PIGN: variants seen among roughly 807,000 people sequenced by gnomAD.
PIGN encodes phosphatidylinositol glycan anchor biosynthesis class N.
PIGN carries 117 observed loss-of-function variants against 125.4 expected under a neutral mutation model. The observed-to-expected ratio is 0.93, with a 90% CI of 0.80 to 1.09. PIGN has a LOEUF of 1.09. Among genes scored for constraint, PIGN ranks in the 50% least tolerant of loss-of-function variants. The probability of loss-of-function intolerance (pLI) is 0.00; values close to 1 mark genes in which losing one functional copy is unlikely to be tolerated. For missense variants in PIGN, 1,075 were observed against 1,094.9 expected (o/e 0.98, Z 0.26); for synonymous variants, 392 against 377.8 (o/e 1.04, Z -0.44).
intron 30 of PIGN, among the ~76,000 whole-genome samples, chr18:62,059,915 G>T (rs1192391469): frequency 6.6e-6 from 1 of 152,126 alleles, no homozygotes; most frequent in Non-Finnish European, 1.5e-5. Flanking sequence ...TCACTTACAG[G>T]TTAAAATATT....
At chr18:62,047,465 C>T (rs529124743) in intron 30 of PIGN, among the ~76,000 whole-genome samples, 1 of 152,194 alleles carries the variant, frequency 6.6e-6, no homozygotes, top group African/African-American at 2.4e-5. Flanking sequence ...GTAGAAAGGC[C>T]ATTCCTTTCC....
intron 23 of PIGN, among the ~76,000 whole-genome samples, chr18:62,023,988 C>T (rs957880908): frequency 3.9e-5 from 6 of 152,134 alleles, no homozygotes; most frequent in Non-Finnish European, 7.3e-5. Flanking sequence ...TAAAGCATAG[C>T]GGCTGAAATT....
chr18:62,101,275 T>A, intron 21 of PIGN, 92 bp from the exon 22 acceptor site: 2 of 728,622 alleles, frequency 2.7e-6, no homozygotes, highest in Admixed American at 2.4e-5. Context: ...TCTGAGACAT[T>A]AAAATGTGGA....
At chr18:62,169,871 C>T (rs1057043094) in intron 1 of PIGN, among the ~76,000 whole-genome samples, 31 of 152,288 alleles carry the variant, frequency 2.0e-4, no homozygotes, top group African/African-American at 7.5e-4. Flanking sequence ...GATTCTCCTG[C>T]CTTGGCCTCC....
chr18:62,169,809 G>A (rs914380842), intron 1 of PIGN, among the ~76,000 whole-genome samples: 2 of 151,914 alleles, frequency 1.3e-5, no homozygotes, highest in African/African-American at 4.8e-5. Flanking sequence ...TCGTAGAGAT[G>A]GGGGGATCTC....
At chr18:62,152,862 ATATATATTTTTTTTTT>A (rs763552308) in intron 7 of PIGN, among the ~76,000 whole-genome samples, 8,248 of 71,350 alleles carry the variant, frequency 0.12, 322 homozygotes, top group Non-Finnish European at 0.16. Context: ...ATATATATAT[ATATATATTTTTTTTTT>A]TAACCACAGT....
Position 62,157,806 on chromosome 18 carries a change from T to C in PIGN, c.224A>G (p.Asn75Ser). 1 of 1,609,372 alleles carries C rather than the reference T, an allele frequency of 6.2e-7. No homozygotes were observed. The highest frequency in any genetic ancestry group is 8.5e-7 in the Non-Finnish European group (1 of 1,177,184). ...NGNSRAPFIR[N>S]IIMHEGSWGI... is the part of the protein sequence containing the mutation. Reference sequence around the variant, plus strand: ...CCAGCTGCCTTCATGCATTATGATATTCCTAAAAGATATTAAAGACAAATA... The same window carrying C: ...CCAGCTGCCTTCATGCATTATGATACTCCTAAAAGATATTAAAGACAAATA... Residue 75 changes from asparagine (N) to serine (S), a missense_variant and splice_region_variant, in exon 5 of 31, where the codon AAT (asparagine) becomes AGT (serine). Asn to Ser is a conservative substitution (Grantham distance 46). Coordinates refer to ENST00000640252, the MANE Select transcript of PIGN (RefSeq NM_176787.5).
intron 23 of PIGN, among the ~76,000 whole-genome samples, chr18:62,027,136 G>C (rs1361505215): frequency 1.3e-5 from 2 of 152,214 alleles, no homozygotes; most frequent in African/African-American, 4.8e-5. Flanking sequence ...CCGGGAGGCA[G>C]AGGTTGCAGT....
intron 30 of PIGN, among the ~76,000 whole-genome samples, chr18:62,067,000 T>C (rs1023019313): frequency 2.6e-5 from 4 of 152,160 alleles, no homozygotes; most frequent in Non-Finnish European, 4.4e-5. Flanking sequence ...CTTCCTGACC[T>C]CCAATTCTAC....
chr18:62,057,473 T>A (rs1443536172), intron 30 of PIGN, among the ~76,000 whole-genome samples: 4 of 152,232 alleles, frequency 2.6e-5, no homozygotes, highest in African/African-American at 9.6e-5. Context: ...TCCAGCCACT[T>A]GTTGCTATTT....
chr18:62,079,790 C>A (rs2033360613), intron 28 of PIGN, among the ~76,000 whole-genome samples: 1 of 149,766 alleles, frequency 6.7e-6, no homozygotes, highest in African/African-American at 2.4e-5. Flanking sequence ...CAAAAAGTTT[C>A]TGAAAATTAA....
At chr18:62,067,535 T>G (rs12458350) in intron 30 of PIGN, among the ~76,000 whole-genome samples, 1 of 151,848 alleles carries the variant, frequency 6.6e-6, no homozygotes, top group Non-Finnish European at 1.5e-5. Context: ...TCTGTGACTA[T>G]AGTTTTGCCT....
At chr18:62,130,889 G>C (rs992206248) in intron 14 of PIGN, among the ~76,000 whole-genome samples, 5 of 152,066 alleles carry the variant, frequency 3.3e-5, no homozygotes, top group African/African-American at 1.2e-4. Context: ...GTTATTTCTA[G>C]AATAATTTTC....
intron 1 of PIGN, among the ~76,000 whole-genome samples, chr18:62,165,935 C>T (rs2037117987): frequency 6.6e-6 from 1 of 151,958 alleles, no homozygotes. Context: ...GTGGAATGAG[C>T]ACAACTCTTT....
At chr18:62,038,400 C>T (rs75455306), downstream of PIGN, among the ~76,000 whole-genome samples, 503 of 137,386 alleles carry the variant, frequency 3.7e-3, 3 homozygotes, top group African/African-American at 0.013. Context: ...AGCTCTGAAA[C>T]TTCACATGTT....
intron 21 of PIGN, 123 bp from the exon 22 acceptor site, chr18:62,101,306 C>A: frequency 1.6e-6 from 1 of 643,416 alleles, no homozygotes; most frequent in Non-Finnish European, 2.7e-6. Flanking sequence ...ATCTTGGAAT[C>A]AATGAAATAC....
chr18:62,108,142 T>C (rs1211640070), intron 17 of PIGN, among the ~76,000 whole-genome samples: 1 of 152,134 alleles, frequency 6.6e-6, no homozygotes, highest in Non-Finnish European at 1.5e-5. Flanking sequence ...CTAACACCAG[T>C]CAAAAGGGGA....
At chr18:62,070,664 GAAAAGGCA>G (rs1157169576) in intron 30 of PIGN, among the ~76,000 whole-genome samples, 1 of 152,108 alleles carries the variant, frequency 6.6e-6, no homozygotes, top group Admixed American at 6.5e-5. Context: ...ATTTGGAGAA[GAAAAGGCA>G]AAAGGGTCAA....
intron 4 of PIGN, 96 bp downstream of exon 4, chr18:62,161,037 T>C (rs2036932776): frequency 1.3e-6 from 1 of 742,014 alleles, no homozygotes; most frequent in East Asian, 2.6e-5. Flanking sequence ...TCATCACCCC[T>C]GTGCCCAGTG....
Sources: allele counts gnomAD v4.1 joint callset (sites outside exome capture counted in the v4.1 genomes callset), GRCh38; gene constraint gnomAD v4.1.1; transcripts MANE v1.5; gene names NCBI Gene and HGNC (gene_info 2026-07-23, HGNC 2026-07-21).